The following PALM2AKAP2 variants were observed in gnomAD, a reference collection of about 807,000 sequenced individuals.
PALM2AKAP2 encodes the protein PALM2-AKAP2 fusion protein.
In PALM2AKAP2, 37 loss-of-function variants were observed where a neutral mutation model predicts 71.5. That is an observed-to-expected ratio of 0.52 (90% CI 0.40 to 0.68). The LOEUF (loss-of-function observed/expected upper bound fraction) is 0.68, where lower values mean the gene tolerates loss of function less well. Among genes scored for constraint, PALM2AKAP2 ranks in the 30% least tolerant of loss-of-function variants. The pLI, the probability that PALM2AKAP2 is intolerant of heterozygous loss-of-function variation, is 0.00. For missense variants in PALM2AKAP2, 1,224 were observed against 1,191.8 expected (o/e 1.03, Z -0.40); for synonymous variants, 468 against 478.8 (o/e 0.98, Z 0.29).
At chr9:110,049,959 T>G (rs898994410) in intron 1 of PALM2AKAP2, among the ~76,000 whole-genome samples, 1 of 152,144 alleles carries the variant, frequency 6.6e-6, no homozygotes, top group Non-Finnish European at 1.5e-5. Flanking sequence ...AGGTGACTCG[T>G]TTAGAGAGAT....
chr9:110,004,015 T>TG (rs1221696962), intron 6 of PALM2AKAP2, among the ~76,000 whole-genome samples: 1 of 152,206 alleles, frequency 6.6e-6, no homozygotes, highest in African/African-American at 2.4e-5. Context: ...AATTGGAGCA[T>TG]TTAGCCCATT....
intron 1 of PALM2AKAP2, among the ~76,000 whole-genome samples, chr9:109,829,076 T>C (rs1325190251): frequency 2.0e-5 from 3 of 152,264 alleles, no homozygotes. Flanking sequence ...CTCTTGTTCA[T>C]AGCTGCTAAC....
chr9:110,104,178 T>C (rs975541828), intron 1 of PALM2AKAP2, among the ~76,000 whole-genome samples: 2 of 62,120 alleles, frequency 3.2e-5, no homozygotes, highest in Non-Finnish European at 5.7e-5. Context: ...TTCTGCTTTT[T>C]TTTGGGGGGG....
chr9:109,781,028 CTGTT>C (rs1264388120), intron 1 of PALM2AKAP2, among the ~76,000 whole-genome samples: 4 of 152,166 alleles, frequency 2.6e-5, no homozygotes, highest in African/African-American at 4.8e-5. Flanking sequence ...TTTCCCTTCT[CTGTT>C]TGATATTGAC....
At chr9:109,898,948 G>A (rs1366620474) in intron 3 of PALM2AKAP2, among the ~76,000 whole-genome samples, 2 of 152,230 alleles carry the variant, frequency 1.3e-5, no homozygotes, top group Non-Finnish European at 2.9e-5. Flanking sequence ...GTTTACTTGA[G>A]ATGACACTAT....
upstream of PALM2AKAP2, among the ~76,000 whole-genome samples, chr9:110,045,733 A>C (rs1003526595): frequency 4.6e-5 from 7 of 151,920 alleles, no homozygotes; most frequent in Non-Finnish European, 1.0e-4. Context: ...ACGTCTGGCT[A>C]ATTTTTGTAG....
In PALM2AKAP2 at chr9:110,136,374, A is replaced by G. The variant is rs760745128; in HGVS notation, c.404A>G (p.Asp135Gly). ...CTTACTGATCACCACGAATCCCTGG[A>G]TAATGATGTTGCCAGAGAGATCCGC... The change falls in exon 2 of 4, where the codon GAT becomes GGT. Residue 135 changes from aspartate to glycine, a missense_variant. By Grantham distance (94) the Asp-to-Gly change is moderately conservative. Coordinates refer to ENST00000374525, the Ensembl canonical transcript of PALM2AKAP2. The G allele has an allele frequency of 3.1e-6, 5 of 1,614,230 alleles. No individual in the cohort carries two copies. The East Asian group carries it at 1.1e-4, about 36-fold the overall frequency.
chr9:109,847,809 T>A (rs969209961), intron 1 of PALM2AKAP2: 2 of 152,298 alleles, frequency 1.3e-5, no homozygotes, highest in African/African-American at 4.8e-5. Context: ...GCCCTAGAAA[T>A]GAAGACAGCC....
At position 109,959,830 on chromosome 9, in the gene PALM2AKAP2, G is replaced by C. The variant is rs147058253; in HGVS notation, c.496+27802G>C. ...AAATTTCCCTCATTGAATGTTGGAA[G>C]GAGACGTGGGAATTTTTGGATAATT... On this transcript the variant is annotated intron_variant, in intron 6 of 9. Transcript: ENST00000302798. Among the ~76,000 whole-genome samples, 28 of 152,138 alleles carry C rather than the reference G, an allele frequency of 1.8e-4. 1 individual carries two copies. The highest frequency in any genetic ancestry group is 8.5e-4 in the Admixed American group (13 of 15,292).
At chr9:110,102,187 G>A (rs767692642) in intron 1 of PALM2AKAP2, among the ~76,000 whole-genome samples, 14 of 152,066 alleles carry the variant, frequency 9.2e-5, no homozygotes, top group Non-Finnish European at 1.8e-4. Flanking sequence ...TCTGTAGGAC[G>A]GCTTTGTGTC....
intron 1 of PALM2AKAP2, among the ~76,000 whole-genome samples, chr9:109,821,656 T>C (rs901947395): frequency 6.6e-6 from 1 of 152,228 alleles, no homozygotes; most frequent in South Asian, 2.1e-4. Context: ...AGGGTGTTAA[T>C]AGAACCCCAG....
intron 1 of PALM2AKAP2, among the ~76,000 whole-genome samples, chr9:109,691,470 T>C (rs1827883169): frequency 6.6e-6 from 1 of 152,036 alleles, no homozygotes; most frequent in South Asian, 2.1e-4. Flanking sequence ...AATTGTGATC[T>C]TCCTACCTGT....
chr9:109,946,574 T>C (rs1349231945), intron 6 of PALM2AKAP2: 2 of 148,850 alleles, frequency 1.3e-5, no homozygotes, highest in Admixed American at 1.4e-4. Flanking sequence ...ATGCCTGTAA[T>C]CCCAGCTACT....
At chr9:109,879,622 C>T (rs933882624) in intron 2 of PALM2AKAP2, among the ~76,000 whole-genome samples, 11 of 152,136 alleles carry the variant, frequency 7.2e-5, no homozygotes, top group East Asian at 1.9e-4. Context: ...TTGCTGCCTC[C>T]GAACCATTGA....
At chr9:110,107,046 AAT>A (rs1835137356) in intron 1 of PALM2AKAP2, among the ~76,000 whole-genome samples, 1 of 152,216 alleles carries the variant, frequency 6.6e-6, no homozygotes, top group Non-Finnish European at 1.5e-5. Flanking sequence ...CTGAGCTGTT[AAT>A]CACTGATTGA....
At chr9:109,929,640 G>A (rs892122807) in intron 5 of PALM2AKAP2, among the ~76,000 whole-genome samples, 13 of 152,018 alleles carry the variant, frequency 8.6e-5, no homozygotes, top group South Asian at 2.1e-4. Context: ...CGAGGCGGGC[G>A]GATCATGAGG....
At chr9:109,988,568 GAGGAAGGAAGGAAAAAAGGAAGAAAGGA>G in intron 6 of PALM2AKAP2, among the ~76,000 whole-genome samples, 1 of 71,328 alleles carries the variant, frequency 1.4e-5, no homozygotes, top group East Asian at 2.5e-4. Context: ...AGGGAGGAAG[GAGGAAGGAAGGAAAAAAGGAAGAAAGGA>G]AGGAAGGAAG....
intron 3 of PALM2AKAP2, among the ~76,000 whole-genome samples, chr9:109,900,879 A>C (rs905176421): frequency 1.3e-5 from 2 of 152,212 alleles, no homozygotes; most frequent in Non-Finnish European, 2.9e-5. Flanking sequence ...TGCACCCAGA[A>C]CCTTTAATAC....
chr9:109,751,561 G>A (rs564100582), intron 1 of PALM2AKAP2, among the ~76,000 whole-genome samples: 4 of 152,212 alleles, frequency 2.6e-5, no homozygotes, highest in South Asian at 4.1e-4. Flanking sequence ...ATAGTAAATC[G>A]TTTCTGAGAC....
Sources: allele counts gnomAD v4.1 joint callset (sites outside exome capture counted in the v4.1 genomes callset), GRCh38; gene constraint gnomAD v4.1.1; transcripts MANE v1.5; gene names NCBI Gene and HGNC (gene_info 2026-07-23, HGNC 2026-07-21).